Variants in KIF18A observed in about 807,000 individuals in gnomAD.
KIF18A encodes the protein kinesin family member 18A.
KIF18A carries 67 observed loss-of-function variants against 103.3 expected under a neutral mutation model. That is an observed-to-expected ratio of 0.65 (90% confidence interval 0.53 to 0.79). The LOEUF is 0.79. Ranked by LOEUF, KIF18A falls within the 30% of genes least tolerant of loss-of-function variation. The pLI is 0.00. For synonymous variants in KIF18A, 367 were observed against 355.5 expected, an observed-to-expected ratio of 1.03 and a Z score of -0.36; for missense variants, 1,032 against 1,062.5, an observed-to-expected ratio of 0.97 and a Z score of 0.40.
chr11:28,040,622 C>T (rs1850547078), intron 13 of KIF18A, among the ~76,000 whole-genome samples: 1 of 151,550 alleles, frequency 6.6e-6, no homozygotes, highest in South Asian at 2.1e-4. Context: ...CAGAAGGGAA[C>T]AGGAAATTAA....
chr11:28,098,688 G>A (rs992927470), intron 1 of KIF18A, among the ~76,000 whole-genome samples: 1 of 152,090 alleles, frequency 6.6e-6, no homozygotes, highest in Non-Finnish European at 1.5e-5. Context: ...CTAATTGTGT[G>A]CAAGTTTAAG....
chr11:28,097,028 T>C (rs951659446), intron 2 of KIF18A, among the ~76,000 whole-genome samples: 3 of 152,102 alleles, frequency 2.0e-5, no homozygotes, highest in Non-Finnish European at 4.4e-5. Flanking sequence ...TTCCAATTTT[T>C]ATTTTAGGTT....
chr11:28,057,791 T>A (rs1429472533), intron 13 of KIF18A, among the ~76,000 whole-genome samples: 1 of 152,128 alleles, frequency 6.6e-6, no homozygotes, highest in Admixed American at 6.5e-5. Flanking sequence ...AAAAGGTTAA[T>A]TAAATTATGG....
chr11:28,077,189 T>C lies in KIF18A; in HGVS notation c.1263-20A>G. 1 of 1,520,804 alleles carries C rather than the reference T, an allele frequency of 6.6e-7. No individual in the cohort carries two copies. Among genetic ancestry groups the C allele is most frequent in the Non-Finnish European group, 8.8e-7 (1 of 1,137,448 alleles). 94.2% of individuals were successfully genotyped at this position (1,520,804 alleles called of 1,614,324 possible). A position where few individuals can be genotyped will look rare whatever the true frequency, so the allele number is the denominator to read the frequency against. ...TGAAACCTACCAAAATTAAAACACA[T>C]TACAGAATCTCACTAATTTTGTAGC... On this transcript the variant is annotated intron_variant, in intron 9 of 16. Coordinates refer to ENST00000263181, the MANE Select transcript of KIF18A (RefSeq NM_031217.4).
chr11:28,025,812 T>C (rs777265428), intron 15 of KIF18A, among the ~76,000 whole-genome samples: 6 of 152,048 alleles, frequency 3.9e-5, no homozygotes, highest in Middle Eastern at 3.4e-3. Context: ...CCCATAACTA[T>C]AAATAAAGTT....
At chr11:28,104,014 A>C (rs1461740623) in intron 1 of KIF18A, among the ~76,000 whole-genome samples, 1 of 152,188 alleles carries the variant, frequency 6.6e-6, no homozygotes, top group Non-Finnish European at 1.5e-5. Context: ...GCAATGTTTA[A>C]TGAGGTATTA....
chr11:28,089,971 TG>T (rs1851280538), intron 5 of KIF18A, among the ~76,000 whole-genome samples: 1 of 152,218 alleles, frequency 6.6e-6, no homozygotes, highest in South Asian at 2.1e-4. Flanking sequence ...ATGAAATTTT[TG>T]TTGACCAGGG....
intron 9 of KIF18A, among the ~76,000 whole-genome samples, chr11:28,082,501 AGTATGT>A: frequency 6.6e-6 from 1 of 152,294 alleles, no homozygotes; most frequent in Admixed American, 6.5e-5. Context: ...TTAGCAATAA[AGTATGT>A]CTAAAATTAA....
rs1403842207 is a variant in KIF18A, at chr11:28,082,878, G to A, written c.1240C>T (p.Pro414Ser). 10 of 1,594,820 alleles carry A rather than the reference G, an allele frequency of 6.3e-6. No individual in the cohort carries two copies. Among genetic ancestry groups the A allele is most frequent in the Non-Finnish European group, 8.6e-6 (10 of 1,166,442 alleles). Reference sequence around the variant, plus strand: ...TACCTTTCGATTTCTTTTTCCTGAGGGTTTGAAATCATTAACTTTGCTTGG... The same window carrying A: ...TACCTTTCGATTTCTTTTTCCTGAGAGTTTGAAATCATTAACTTTGCTTGG... ...NDQAKLMISNPQEKEIERFQE... is the reference protein window; with the variant it reads ...NDQAKLMISNSQEKEIERFQE... The change falls in exon 9 of 17, where the codon CCT (proline) becomes TCT (serine). Residue 414 changes from proline (P) to serine (S), a missense_variant. Coordinates refer to ENST00000263181, the MANE Select transcript of KIF18A (RefSeq NM_031217.4).
intron 15 of KIF18A, among the ~76,000 whole-genome samples, chr11:28,027,973 T>A (rs1265911775): frequency 6.6e-6 from 1 of 151,718 alleles, no homozygotes; most frequent in Admixed American, 6.6e-5. Context: ...CTGAATCCAA[T>A]AACAAACCTG....
rs1163011743 is a variant in KIF18A, at chr11:28,084,688, C to T, written c.1018G>A (p.Asp340Asn). The T allele has an allele frequency of 4.3e-6, 7 of 1,612,608 alleles. No homozygotes were observed. The highest frequency in any genetic ancestry group is 1.3e-5 in the African/African-American group (1 of 74,842). The change falls in exon 7 of 17, where the codon GAT becomes AAT. Residue 340 changes from aspartate (D) to asparagine (N), a missense_variant. Coordinates refer to ENST00000263181, the MANE Select transcript of KIF18A (RefSeq NM_031217.4). ...TACTTAAGAGTGTTATATGTGTCATCGTAGAATACAGAGGAAGGACTAACA... is the reference window on the plus strand; with the variant it reads ...TACTTAAGAGTGTTATATGTGTCATTGTAGAATACAGAGGAAGGACTAACA... ...AAVSPSSVFYDDTYNTLKYAN... is the reference protein window; with the variant it reads ...AAVSPSSVFYNDTYNTLKYAN...
At chr11:28,035,000 C>T (rs546582327) in intron 15 of KIF18A, among the ~76,000 whole-genome samples, 33 of 151,690 alleles carry the variant, frequency 2.2e-4, no homozygotes, top group African/African-American at 7.7e-4. Flanking sequence ...AGTCATATAT[C>T]TTAATCCATT....
intron 6 of KIF18A, among the ~76,000 whole-genome samples, chr11:28,085,697 G>C (rs759890660): frequency 1.9e-4 from 29 of 150,538 alleles, no homozygotes; most frequent in African/African-American, 7.2e-4. Flanking sequence ...CCAGCTGTTC[G>C]GGGCCACTAC....
intron 9 of KIF18A, 65 bp from the exon 10 acceptor site, chr11:28,077,234 T>C: frequency 8.8e-7 from 1 of 1,137,300 alleles, no homozygotes; most frequent in Non-Finnish European, 1.2e-6. Flanking sequence ...AAAGTTTACT[T>C]AAGAGAAATG....
rs757370775 is a variant in KIF18A at position 28,036,546 on chromosome 11, A to C, written c.2067T>G (p.Ser689Arg). 1 of 1,611,044 alleles carries C rather than the reference A, an allele frequency of 6.2e-7. No individual in the cohort carries two copies. The highest frequency in any genetic ancestry group is 1.3e-5 in the African/African-American group (1 of 74,700). The change falls in exon 14 of 17, where the codon AGT (serine) becomes AGG (arginine). Residue 689 changes from serine (S) to arginine (R), a missense_variant. Physicochemically the swap from Ser to Arg is moderately radical, Grantham distance 110. Transcript: ENST00000263181. ...QHTLKSPPSQ[S>R]VQLNDSLSKE... is the part of the protein sequence containing the mutation. ...TGCTAAGAGAATCATTGAGCTGCAC[A>C]CTTTGAGATGGTGGAGACTTTAGAG...
At chr11:28,061,661 A>T (rs552807423) in intron 12 of KIF18A, among the ~76,000 whole-genome samples, 10 of 152,136 alleles carry the variant, frequency 6.6e-5, no homozygotes, top group East Asian at 5.8e-4. Flanking sequence ...TTTCTTTTTT[A>T]AAAAAAGCTA....
intron 10 of KIF18A, among the ~76,000 whole-genome samples, chr11:28,076,201 T>C (rs1333199107): frequency 6.6e-6 from 1 of 152,084 alleles, no homozygotes; most frequent in East Asian, 1.9e-4. Flanking sequence ...CAGTATATTA[T>C]TGTATTAAAA....
chr11:28,104,504 A>C (rs1851481926), intron 1 of KIF18A, among the ~76,000 whole-genome samples: 1 of 152,050 alleles, frequency 6.6e-6, no homozygotes, highest in Non-Finnish European at 1.5e-5. Context: ...CCCTCACTTC[A>C]TTATTCAGGT....
Position 28,091,493 on chromosome 11 carries a change from A to G in KIF18A, c.504T>C (p.Arg168=), listed in dbSNP as rs1384822134. ...SYLEVYNEQI[R]DLLVNSGPLA... Reference sequence around the variant, plus strand: ...GTGGCCCTGAATTTACTAAGAGATCACGAATCTGTTCATTATATACCTTAA... The same window carrying G: ...GTGGCCCTGAATTTACTAAGAGATCGCGAATCTGTTCATTATATACCTTAA... The change falls in exon 4 of 17, where the codon CGT becomes CGC. Residue 168 remains arginine, a synonymous_variant. Coordinates refer to ENST00000263181, the MANE Select transcript of KIF18A (RefSeq NM_031217.4). 1.9e-5 allele frequency: 31 copies of G among 1,603,760 alleles called. No homozygotes were observed. Among genetic ancestry groups the G allele is most frequent in the Non-Finnish European group, 2.6e-5 (30 of 1,171,202 alleles).
Sources: gnomAD v4.1 joint callset for allele counts (sites outside exome capture counted in the v4.1 genomes callset) on GRCh38, gnomAD v4.1.1 for gene constraint, MANE v1.5 for transcripts, NCBI Gene and HGNC (gene_info 2026-07-23, HGNC 2026-07-21) for gene names.